The following DLGAP1 variants were observed in gnomAD, a reference collection of about 807,000 sequenced individuals.
The protein encoded by DLGAP1 is disks large-associated protein 1.
A neutral mutation model predicts 90.8 loss-of-function variants in DLGAP1; 11 were observed. The observed-to-expected ratio is 0.12, with a 90% CI of 0.08 to 0.20. The LOEUF is 0.20. DLGAP1 is among the 10% of genes least tolerant of loss of function. The pLI, the probability that DLGAP1 is intolerant of heterozygous loss-of-function variation, is 1.00. For synonymous variants in DLGAP1, 558 were observed against 540.7 expected (o/e 1.03, Z -0.44); for missense variants, 1,050 against 1,333.8 (o/e 0.79, Z 3.31).
chr18:4,247,153 A>C (rs563568308), intron 1 of DLGAP1, among the ~76,000 whole-genome samples: 3 of 152,346 alleles, frequency 2.0e-5, no homozygotes, highest in Non-Finnish European at 2.9e-5. Context: ...CAATAGTATT[A>C]CTATATTACT....
At chr18:3,651,987 A>C (rs2059324261) in intron 7 of DLGAP1, among the ~76,000 whole-genome samples, 1 of 145,470 alleles carries the variant, frequency 6.9e-6, no homozygotes, top group South Asian at 2.2e-4. Context: ...CAACAACAAC[A>C]ACAACAACAA....
At chr18:3,701,535 C>A (rs1320413206) in intron 7 of DLGAP1, among the ~76,000 whole-genome samples, 1 of 152,182 alleles carries the variant, frequency 6.6e-6, no homozygotes, top group African/African-American at 2.4e-5. Flanking sequence ...AAATTTGGTG[C>A]CAGCTAGTTG....
intron 2 of DLGAP1, among the ~76,000 whole-genome samples, chr18:4,087,096 T>TACAC (rs1467334325): frequency 2.8e-4 from 27 of 94,936 alleles, no homozygotes; most frequent in Non-Finnish European, 5.7e-4. Flanking sequence ...TATATATGTA[T>TACAC]ATATGTGCTA....
intron 2 of DLGAP1, among the ~76,000 whole-genome samples, chr18:4,072,441 G>A (rs543093618): frequency 1.3e-5 from 2 of 149,324 alleles, no homozygotes; most frequent in Admixed American, 6.7e-5. Flanking sequence ...TCATCATCAT[G>A]ATCAACATCA....
In DLGAP1 at chr18:3,868,888, C is replaced by T. The variant is rs113465020; in HGVS notation, c.957+10224G>A. Among the ~76,000 whole-genome samples the T allele has an allele frequency of 5.9e-3, 892 of 152,140 alleles. 13 individuals carry two copies. The highest frequency in any genetic ancestry group is 0.019 in the African/African-American group (799 of 41,488). On this transcript the variant is annotated intron_variant, in intron 4 of 12. Coordinates refer to ENST00000315677, the MANE Select transcript of DLGAP1 (RefSeq NM_004746.4). ...ATACCTGGCTTAGCGACTTTGGGCA[C>T]GAGCAAAGAAGAGTGATGGCCAAGG...
intron 1 of DLGAP1, among the ~76,000 whole-genome samples, chr18:4,208,610 G>A (rs1391291206): frequency 6.6e-6 from 1 of 152,192 alleles, no homozygotes; most frequent in Non-Finnish European, 1.5e-5. Flanking sequence ...TCGCAATAGG[G>A]AAAGATGGCT....
intron 1 of DLGAP1, among the ~76,000 whole-genome samples, chr18:4,298,503 C>T (rs1175335849): frequency 6.6e-6 from 1 of 152,054 alleles, no homozygotes; most frequent in East Asian, 1.9e-4. Flanking sequence ...AATCATCATT[C>T]TCAGTAAACT....
At chr18:3,644,471 C>T (rs1056839028) in intron 7 of DLGAP1, among the ~76,000 whole-genome samples, 19 of 151,778 alleles carry the variant, frequency 1.3e-4, no homozygotes, top group African/African-American at 3.6e-4. Context: ...AGTGTAATGG[C>T]GCGATCTTGG....
chr18:4,379,355 A>G (rs1287384973), intron 1 of DLGAP1, among the ~76,000 whole-genome samples: 2 of 152,150 alleles, frequency 1.3e-5, no homozygotes, highest in Admixed American at 6.6e-5. Flanking sequence ...TTGGTTATCC[A>G]GAATACTACT....
chr18:3,832,869 C>T (rs530012186), intron 4 of DLGAP1, among the ~76,000 whole-genome samples: 1 of 152,074 alleles, frequency 6.6e-6, no homozygotes, highest in Admixed American at 6.5e-5. Context: ...GTGCCCCCCC[C>T]ATCACTGAGG....
chr18:4,022,651 C>T (rs1351837785), intron 2 of DLGAP1, among the ~76,000 whole-genome samples: 1 of 152,208 alleles, frequency 6.6e-6, no homozygotes, highest in Non-Finnish European at 1.5e-5. Flanking sequence ...CTGCCATGAA[C>T]ATGAACACAC....
intron 3 of DLGAP1, among the ~76,000 whole-genome samples, chr18:3,953,129 C>T (rs984487737): frequency 1.3e-5 from 2 of 152,176 alleles, no homozygotes; most frequent in Non-Finnish European, 2.9e-5. Flanking sequence ...TATTCTTTAG[C>T]TCCTGAAATG....
chr18:4,067,128 G>A (rs1032127051), intron 2 of DLGAP1, among the ~76,000 whole-genome samples: 2 of 152,000 alleles, frequency 1.3e-5, no homozygotes, highest in Admixed American at 1.3e-4. Context: ...TAAATGATGA[G>A]AACACATGGA....
intron 10 of DLGAP1, among the ~76,000 whole-genome samples, chr18:3,532,665 GC>G (rs1232069917): frequency 2.0e-5 from 3 of 151,860 alleles, no homozygotes; most frequent in Admixed American, 1.3e-4. Context: ...TTACTTCATA[GC>G]AATACTCTTT....
At chr18:4,281,952 A>C (rs1040647172) in intron 1 of DLGAP1, among the ~76,000 whole-genome samples, 2 of 152,214 alleles carry the variant, frequency 1.3e-5, no homozygotes, top group Admixed American at 1.3e-4. Flanking sequence ...ATGAATTCTA[A>C]ATGCATTCCA....
chr18:4,167,531 T>C (rs1157551331), intron 1 of DLGAP1, among the ~76,000 whole-genome samples: 1 of 152,170 alleles, frequency 6.6e-6, no homozygotes, highest in Non-Finnish European at 1.5e-5. Context: ...CACTATCCTA[T>C]ATGTGAAGCA....
At chr18:3,688,606 TA>T (rs2060783287) in intron 7 of DLGAP1, among the ~76,000 whole-genome samples, 2 of 136,464 alleles carry the variant, frequency 1.5e-5, no homozygotes, top group African/African-American at 2.8e-5. Flanking sequence ...TTCTAGGTAT[TA>T]AAAAAAGACA....
At chr18:3,515,422 T>A (rs1405554707) in intron 10 of DLGAP1, among the ~76,000 whole-genome samples, 1 of 134,100 alleles carries the variant, frequency 7.5e-6, no homozygotes. Flanking sequence ...TGAGCCAAGA[T>A]CATGCCACTG....
At chr18:4,014,639 G>T (rs368183076) in intron 2 of DLGAP1, among the ~76,000 whole-genome samples, 5 of 152,134 alleles carry the variant, frequency 3.3e-5, no homozygotes, top group African/African-American at 7.2e-5. Flanking sequence ...TTGTATGCAG[G>T]TATCAAAATA....
Sources: allele counts gnomAD v4.1 joint callset (sites outside exome capture counted in the v4.1 genomes callset), GRCh38; gene constraint gnomAD v4.1.1; transcripts MANE v1.5; gene names NCBI Gene and HGNC (gene_info 2026-07-23, HGNC 2026-07-21).